TJP2: variants seen among roughly 807,000 people sequenced by gnomAD.
TJP2 encodes Friedreich ataxia region gene X104 (tight junction protein ZO-2).
Under a neutral mutation model 133.1 loss-of-function variants are expected in TJP2, and 91 were observed. The ratio of observed to expected loss-of-function variants is 0.68; its 90% CI spans 0.58 to 0.81. TJP2 has a LOEUF of 0.81. Among genes scored for constraint, TJP2 ranks in the 40% least tolerant of loss-of-function variants. The pLI, the probability that TJP2 is intolerant of heterozygous loss-of-function variation, is 0.00. For missense variants in TJP2, 1,541 were observed against 1,565.6 expected, an observed-to-expected ratio of 0.98 and a Z score of 0.26; for synonymous variants, 592 against 583.4, an observed-to-expected ratio of 1.01 and a Z score of -0.21.
chr9:69,128,215 A>G lies in TJP2; in HGVS notation c.-131+6490A>G, dbSNP rs996088837. On this transcript the variant is annotated intron_variant, in intron 1 of 5. Coordinates refer to the TJP2 transcript ENST00000423935. ...ATGAATAATGTTGTTATGAACACTC[A>G]TGTACAAGTTTTTATGTGGACATAC... Among the ~76,000 whole-genome samples the G allele has an allele frequency of 3.9e-5, 3 of 77,318 alleles. 1 individual carries two copies. The highest frequency in any genetic ancestry group is 1.2e-4 in the African/African-American group (3 of 25,368). The allele number at this position is 77,318 out of a possible 152,430, so 50.7% of individuals were successfully genotyped here.
chr9:69,197,128 C>T (rs1826638359), intron 1 of TJP2, among the ~76,000 whole-genome samples: 1 of 152,052 alleles, frequency 6.6e-6, no homozygotes, highest in Admixed American at 6.6e-5. Context: ...CCACACCTGG[C>T]TAATTTTTTG....
At chr9:69,221,731 T>C (rs1381597900) in intron 5 of TJP2, among the ~76,000 whole-genome samples, 1 of 151,768 alleles carries the variant, frequency 6.6e-6, no homozygotes, top group Non-Finnish European at 1.5e-5. Context: ...TTTTATGTTT[T>C]TAGTGGAGAC....
chr9:69,234,368 T>G (rs1588126573), intron 11 of TJP2, 71 bp from the exon 12 acceptor site: 3 of 1,329,450 alleles, frequency 2.3e-6, no homozygotes, highest in Non-Finnish European at 3.1e-6. Context: ...AACTTCTCTG[T>G]TTTTTCTTTC....
intron 2 of TJP2, among the ~76,000 whole-genome samples, chr9:69,160,317 G>A (rs979666548): frequency 1.3e-5 from 2 of 152,192 alleles, no homozygotes; most frequent in African/African-American, 4.8e-5. Context: ...TTTGGAGGTA[G>A]GAAAAGCTGA....
At position 69,252,800 on chromosome 9, in the gene TJP2, T is replaced by C. The variant is rs754116241; in HGVS notation, c.3322-15T>C. ...ATTCTTTCACTCTTATTCTTTTCTT[T>C]TTTAATTACCACAGATCGAAATTGC... On this transcript the variant is annotated splice_polypyrimidine_tract_variant and intron_variant, in intron 21 of 22. Transcript: ENST00000377245. The C allele has an allele frequency of 6.2e-7, 1 of 1,613,706 alleles. No individual in the cohort carries two copies. Among genetic ancestry groups the C allele is most frequent in the African/African-American group, 1.3e-5 (1 of 75,020 alleles).
chr9:69,175,633 A>G (rs1207879758), intron 1 of TJP2, among the ~76,000 whole-genome samples: 5 of 152,192 alleles, frequency 3.3e-5, no homozygotes. Flanking sequence ...GCAGATGAGC[A>G]AGAGCGTGGC....
At chr9:69,172,938 C>T (rs1161095868), upstream of TJP2, among the ~76,000 whole-genome samples, 1 of 152,116 alleles carries the variant, frequency 6.6e-6, no homozygotes, top group Non-Finnish European at 1.5e-5. Context: ...ATCAGGAATA[C>T]AACCAAAATG....
intron 5 of TJP2, among the ~76,000 whole-genome samples, chr9:69,223,938 T>G (rs941065979): frequency 2.0e-5 from 3 of 152,266 alleles, no homozygotes; most frequent in Non-Finnish European, 2.9e-5. Flanking sequence ...AATTATAAGA[T>G]TTTTAGTTTG....
Position 69,124,736 on chromosome 9 carries a change from A to G in TJP2, c.-131+3011A>G, listed in dbSNP as rs1231041348. 1.8e-4 allele frequency among the ~76,000 whole-genome samples: 14 copies of G among 77,452 alleles called. 5 individuals carry two copies. The highest frequency in any genetic ancestry group is 5.5e-4 in the African/African-American group (14 of 25,344). The allele number at this position is 77,452 out of a possible 152,430, so 50.8% of individuals were successfully genotyped here. On this transcript the variant is annotated intron_variant, in intron 1 of 5. Transcript: ENST00000423935. ...TTTAATTCTAGTAAGGCAAGAGAGA[A>G]AAGGTTTACCCTCCTATAGTATGTT... is the stretch of plus-strand genomic sequence containing the variant.
intron 1 of TJP2, among the ~76,000 whole-genome samples, chr9:69,140,316 T>A (rs1822964881): frequency 6.6e-6 from 1 of 152,176 alleles, no homozygotes; most frequent in African/African-American, 2.4e-5. Flanking sequence ...AACAACTCTA[T>A]GAGGTAGGCA....
chr9:69,171,789 A>ATTTTTTTTTTTTTTTTTTTTTTTTTTT (rs34717893), upstream of TJP2, among the ~76,000 whole-genome samples: 2 of 86,758 alleles, frequency 2.3e-5, no homozygotes, highest in African/African-American at 4.5e-5. Flanking sequence ...GAGTAGAAGA[A>ATTTTTTTTTTTTTTTTTTTTTTTTTTT]TTTTTTTTTT....
At chr9:69,128,992 C>T (rs1310153617) in intron 1 of TJP2, among the ~76,000 whole-genome samples, 1 of 152,186 alleles carries the variant, frequency 6.6e-6, no homozygotes, top group African/African-American at 2.4e-5. Context: ...TTTATTGCGG[C>T]TTAGGCCTCT....
At chr9:69,132,971 CT>C (rs10712115) in intron 1 of TJP2, among the ~76,000 whole-genome samples, 68,162 of 151,386 alleles carry the variant, frequency 0.45, 15,431 homozygotes, top group East Asian at 0.62. Flanking sequence ...AATTTATTGC[CT>C]TTTTTTTAAG....
At chr9:69,130,893 T>C (rs1822466249) in intron 1 of TJP2, among the ~76,000 whole-genome samples, 1 of 152,094 alleles carries the variant, frequency 6.6e-6, no homozygotes, top group African/African-American at 2.4e-5. Flanking sequence ...TGTATGGGTA[T>C]TGGTGTCAGG....
At chr9:69,233,523 A>G (rs1829944679) in intron 11 of TJP2, among the ~76,000 whole-genome samples, 1 of 152,244 alleles carries the variant, frequency 6.6e-6, no homozygotes, top group South Asian at 2.1e-4. Context: ...ATGTAATCCC[A>G]GCACTTTGGG....
chr9:69,137,290 T>TC (rs1822805428), intron 1 of TJP2, among the ~76,000 whole-genome samples: 1 of 75,942 alleles, frequency 1.3e-5, no homozygotes, highest in Admixed American at 1.3e-4. Flanking sequence ...TTTCTTTCTT[T>TC]CTTTCTTTCT....
intron 9 of TJP2, among the ~76,000 whole-genome samples, chr9:69,228,708 C>T (rs986908584): frequency 2.0e-5 from 3 of 152,118 alleles, no homozygotes; most frequent in African/African-American, 7.2e-5. Flanking sequence ...TCCTTTCTCT[C>T]TTTTGACGTT....
At chr9:69,171,856 T>G (rs1824704195), upstream of TJP2, among the ~76,000 whole-genome samples, 1 of 135,956 alleles carries the variant, frequency 7.4e-6, no homozygotes, top group South Asian at 2.4e-4. Flanking sequence ...AGTGCAGTGG[T>G]GCAATCTCGT....
intron 10 of TJP2, among the ~76,000 whole-genome samples, chr9:69,229,619 C>G (rs1166889609): frequency 2.6e-5 from 4 of 152,134 alleles, no homozygotes; most frequent in African/African-American, 7.2e-5. Context: ...AGTGTCAGTC[C>G]GTGTGGGGGA....
Sources: allele counts gnomAD v4.1 joint callset (sites outside exome capture counted in the v4.1 genomes callset), GRCh38; gene constraint gnomAD v4.1.1; transcripts MANE v1.5; gene names NCBI Gene and HGNC (gene_info 2026-07-23, HGNC 2026-07-21).